Variants in TPP2 observed in about 807,000 individuals in gnomAD.
TPP2 encodes tripeptidyl peptidase 2.
In TPP2, 34 loss-of-function variants were observed where a neutral mutation model predicts 155.9. The observed-to-expected ratio is 0.22, with a 90% CI of 0.17 to 0.29. The LOEUF is 0.29. Among genes scored for constraint, TPP2 ranks in the 10% least tolerant of loss-of-function variants. The pLI is 1.00. For missense variants in TPP2, 1,028 were observed against 1,522.3 expected (o/e 0.68, Z 5.40); for synonymous variants, 510 against 529.4 (o/e 0.96, Z 0.50).
intron 20 of TPP2, 130 bp from the exon 21 acceptor site, chr13:102,647,077 C>T: frequency 8.3e-7 from 1 of 1,199,296 alleles, no homozygotes; most frequent in Non-Finnish European, 1.1e-6. Flanking sequence ...TCTATATTTT[C>T]AAAATTTTTT....
At chr13:102,661,776 A>G (rs141512716) in intron 25 of TPP2, among the ~76,000 whole-genome samples, 107 of 152,284 alleles carry the variant, frequency 7.0e-4, no homozygotes, top group African/African-American at 2.5e-3. Context: ...TCAGATGATG[A>G]GTTTTGGCAA....
In TPP2 at chr13:102,657,080, T is replaced by C; in HGVS notation, c.3016T>C (p.Leu1006=). Residue 1006 remains leucine (L), a synonymous_variant, in exon 25 of 30, where the codon TTA becomes CTA. Coordinates refer to ENST00000376052, the MANE Select transcript of TPP2 (RefSeq NM_001330588.2). The stretch of plus-strand genomic sequence containing the variant: ...GGATGTAATCCCTGTTCATTACTAC[T>C]TAATACCTCCACCAACAAAGACTAA... ...KKDVIPVHYY[L]IPPPTKTKNG... is the part of the protein sequence containing the mutation. 5 of 1,593,442 alleles carry C rather than the reference T, an allele frequency of 3.1e-6. No individual in the cohort carries two copies. Among genetic ancestry groups the C allele is most frequent in the Non-Finnish European group, 4.3e-6 (5 of 1,173,922 alleles).
intron 16 of TPP2, among the ~76,000 whole-genome samples, chr13:102,641,238 A>G (rs1419085034): frequency 6.6e-6 from 1 of 152,212 alleles, no homozygotes; most frequent in South Asian, 2.1e-4. Context: ...TTTACAATTT[A>G]GCAGTCAGTA....
At chr13:102,617,414 A>G (rs900492933) in intron 4 of TPP2, among the ~76,000 whole-genome samples, 2 of 152,194 alleles carry the variant, frequency 1.3e-5, no homozygotes, top group Non-Finnish European at 2.9e-5. Flanking sequence ...TTTAAAAGTA[A>G]TTAAGTTTTC....
intron 2 of TPP2, among the ~76,000 whole-genome samples, chr13:102,609,056 C>T (rs977605225): frequency 1.3e-5 from 2 of 152,096 alleles, no homozygotes; most frequent in African/African-American, 2.4e-5. Flanking sequence ...CCCATTTGGC[C>T]TGGGGTTTAG....
At chr13:102,626,133 C>G (rs1473333882) in intron 6 of TPP2, among the ~76,000 whole-genome samples, 2 of 152,186 alleles carry the variant, frequency 1.3e-5, no homozygotes, top group Non-Finnish European at 1.5e-5. Flanking sequence ...CTCCCACCTC[C>G]TACAGTTAAC....
intron 27 of TPP2, among the ~76,000 whole-genome samples, chr13:102,670,318 G>A (rs150804011): frequency 6.1e-4 from 93 of 152,306 alleles, no homozygotes; most frequent in African/African-American, 2.2e-3. Flanking sequence ...ATAAGGGCAA[G>A]ACTGCTTTGA....
intron 5 of TPP2, among the ~76,000 whole-genome samples, chr13:102,620,790 G>A (rs1340578852): frequency 6.6e-6 from 1 of 152,204 alleles, no homozygotes; most frequent in Non-Finnish European, 1.5e-5. Context: ...AACTGGTTGA[G>A]AGAAACAGTG....
chr13:102,625,620 G>T (rs182764849), intron 6 of TPP2, among the ~76,000 whole-genome samples: 26 of 152,240 alleles, frequency 1.7e-4, no homozygotes, highest in Non-Finnish European at 3.1e-4. Flanking sequence ...TGTTTTGAAG[G>T]AAAAAATCAC....
chr13:102,619,708 T>G (rs1300400183), intron 5 of TPP2, among the ~76,000 whole-genome samples: 1 of 147,458 alleles, frequency 6.8e-6, no homozygotes, highest in African/African-American at 2.6e-5. Context: ...TTCTGCTCAA[T>G]TTGGGGATGA....
chr13:102,610,177 A>G (rs988771874), intron 2 of TPP2, among the ~76,000 whole-genome samples: 2 of 152,294 alleles, frequency 1.3e-5, no homozygotes, highest in African/African-American at 4.8e-5. Flanking sequence ...AAGCAGCACA[A>G]TGAAGTCTTC....
chr13:102,650,917 T>C (rs1883443928), intron 23 of TPP2, among the ~76,000 whole-genome samples: 1 of 152,190 alleles, frequency 6.6e-6, no homozygotes, highest in Non-Finnish European at 1.5e-5. Context: ...CTTTTCTCAG[T>C]GGTTTAGCGT....
At position 102,674,449 on chromosome 13, in the gene TPP2, T is replaced by C. The variant is rs763183775; in HGVS notation, c.3538T>C (p.Phe1180Leu). The C allele has an allele frequency of 1.2e-6, 2 of 1,613,718 alleles. No individual in the cohort carries two copies. Among genetic ancestry groups the C allele is most frequent in the Non-Finnish European group, 1.7e-6 (2 of 1,179,798 alleles). ...ESPLDSLAET[F>L]WETTKWTDLF... ...TCCTTTGGATTCTCTGGCAGAAACA[T>C]TTTGGGAAACTACTAAATGGACTGA... The change falls in exon 28 of 30, where the codon TTT (phenylalanine) becomes CTT (leucine). Residue 1180 changes from phenylalanine (F) to leucine (L), a missense_variant. Around this residue, in one of 7 missense-constraint regions of TPP2, gnomAD observed 116 missense variants for 117.3 expected, o/e 0.99. Transcript: ENST00000376052.
intron 23 of TPP2, among the ~76,000 whole-genome samples, chr13:102,649,960 A>G (rs985555705): frequency 2.0e-5 from 3 of 152,136 alleles, no homozygotes; most frequent in African/African-American, 7.2e-5. Flanking sequence ...GTTTCTTCAC[A>G]CTTCTACAGA....
In TPP2 at chr13:102,644,618, T is replaced by A. The variant is rs148250766; in HGVS notation, c.2237T>A (p.Ile746Asn). Residue 746 changes from isoleucine (I) to asparagine (N), a missense_variant, in exon 18 of 30, where the codon ATT becomes AAT. Around this residue, in one of 7 missense-constraint regions of TPP2, gnomAD observed 325 missense variants for 463.7 expected, o/e 0.70. Transcript: ENST00000376052. ...RWWASLSDVN[I>N]DYTISFHGIV... Reference sequence around the variant, plus strand: ...TGGGCAAGTCTCAGTGATGTCAACATTGATTATACCATTTCTTTCCATGGG... The same window carrying A: ...TGGGCAAGTCTCAGTGATGTCAACAATGATTATACCATTTCTTTCCATGGG... 6.5e-5 allele frequency: 105 copies of A among 1,613,198 alleles called. No individual in the cohort carries two copies. Among genetic ancestry groups the A allele is most frequent in the Non-Finnish European group, 8.4e-5 (99 of 1,179,678 alleles).
chr13:102,615,296 C>A (rs977901415), intron 3 of TPP2, among the ~76,000 whole-genome samples: 1 of 152,114 alleles, frequency 6.6e-6, no homozygotes, highest in Non-Finnish European at 1.5e-5. Context: ...ACTACAGGCA[C>A]GCACCACCAC....
chr13:102,601,611 A>G (rs1025384537), intron 1 of TPP2, among the ~76,000 whole-genome samples: 9 of 152,128 alleles, frequency 5.9e-5, no homozygotes, highest in African/African-American at 1.7e-4. Context: ...GCTCTTACCG[A>G]TACTAACTGC....
intron 1 of TPP2, among the ~76,000 whole-genome samples, chr13:102,601,638 T>C (rs908916561): frequency 6.6e-6 from 1 of 152,206 alleles, no homozygotes; most frequent in African/African-American, 2.4e-5. Flanking sequence ...TTTCAGTCCC[T>C]CTTTCCCATG....
chr13:102,653,547 A>G (rs1883654130), intron 24 of TPP2, among the ~76,000 whole-genome samples: 1 of 151,984 alleles, frequency 6.6e-6, no homozygotes, highest in Admixed American at 6.6e-5. Flanking sequence ...GGCGTGTGCC[A>G]CTATGCCTGG....
Sources: allele counts gnomAD v4.1 joint callset (sites outside exome capture counted in the v4.1 genomes callset), GRCh38; gene constraint gnomAD v4.1.1; regional missense constraint gnomAD v4.1.1; transcripts MANE v1.5; gene names NCBI Gene and HGNC (gene_info 2026-07-23, HGNC 2026-07-21).